CDS2: variants seen among roughly 807,000 people sequenced by gnomAD.
The protein encoded by CDS2 is phosphatidate cytidylyltransferase 2.
CDS2 carries 47 observed loss-of-function variants against 59.0 expected under a neutral mutation model. That is an observed-to-expected ratio of 0.80 (90% CI 0.63 to 1.02). CDS2 has a LOEUF of 1.02. CDS2 is among the 50% of genes least tolerant of loss of function. The probability of loss-of-function intolerance (pLI) is 0.00; values close to 1 mark genes in which losing one functional copy is unlikely to be tolerated. For missense variants in CDS2, 356 were observed against 558.9 expected (o/e 0.64, Z 3.66); for synonymous variants, 207 against 206.4 (o/e 1.00, Z -0.02).
In CDS2 at chr20:5,196,452, A is replaced by G. The variant is rs1384253183; in HGVS notation, c.*6218A>G. The G allele has an allele frequency of 6.6e-6, 1 of 152,226 alleles. No individual in the cohort carries two copies. Among genetic ancestry groups the G allele is most frequent in the Non-Finnish European group, 1.5e-5 (1 of 68,064 alleles). The allele number at this position is 152,226 out of a possible 1,614,324, so 9.4% of individuals were successfully genotyped here. The stretch of plus-strand genomic sequence containing the variant: ...GTCTCCCGGGCATTGGGCAGGGCCT[A>G]GCCTTTTGCAGCCCCCAGAGGACCT... On this transcript the variant is annotated 3_prime_UTR_variant, in exon 13 of 13. Coordinates refer to ENST00000460006, the MANE Select transcript of CDS2 (RefSeq NM_003818.4).
chr20:5,156,587 G>A (rs2090835167), intron 1 of CDS2, among the ~76,000 whole-genome samples: 1 of 152,136 alleles, frequency 6.6e-6, no homozygotes. Context: ...AGATGTCATT[G>A]GAGAGGATTC....
rs764106146 is a variant in CDS2 at position 5,176,740 on chromosome 20, C to T, written c.384C>T (p.Leu128=). 7.4e-6 allele frequency: 12 copies of T among 1,611,842 alleles called. No homozygotes were observed. In the Admixed American group the frequency reaches 2.0e-4, roughly 27 times the overall value. ...HSYDLPWFRT[L]SWYFLLCVNY... ...ATGATCTGCCCTGGTTCAGGACGCTCAGCTGGTAAGCTCTCCGGCCCCACA... is the reference window on the plus strand; with the variant it reads ...ATGATCTGCCCTGGTTCAGGACGCTTAGCTGGTAAGCTCTCCGGCCCCACA... The change falls in exon 4 of 13, where the codon CTC becomes CTT. Residue 128 remains leucine, a synonymous_variant. Transcript: ENST00000460006.
rs550869778 is a variant in CDS2, at chr20:5,193,286, A to G, written c.*3052A>G. 4 of 152,360 alleles carry G rather than the reference A, an allele frequency of 2.6e-5. No homozygotes were observed. In the East Asian group the frequency reaches 5.8e-4, roughly 22 times the overall value. 9.4% of individuals were successfully genotyped at this position (152,360 alleles called of 1,614,324 possible). A position where few individuals can be genotyped will look rare whatever the true frequency, so the allele number is the denominator to read the frequency against. ...ATATTCTGGGCATTTTAGTAGCTAC[A>G]GTATTTTGCATTTAAAATGTAATTA... On this transcript the variant is annotated 3_prime_UTR_variant, in exon 13 of 13. Transcript: ENST00000460006.
intron 1 of CDS2, among the ~76,000 whole-genome samples, chr20:5,170,786 A>G (rs1295923608): frequency 6.6e-6 from 1 of 152,250 alleles, no homozygotes; most frequent in Non-Finnish European, 1.5e-5. Flanking sequence ...GGTTTTTTGA[A>G]AAGATCAACA....
intron 1 of CDS2, among the ~76,000 whole-genome samples, chr20:5,147,298 T>G (rs976293940): frequency 2.1e-4 from 32 of 152,108 alleles, no homozygotes; most frequent in African/African-American, 6.8e-4. Flanking sequence ...TGAGACCAGT[T>G]GTGGTTGCTG....
chr20:5,144,956 C>G (rs190335910), intron 1 of CDS2, among the ~76,000 whole-genome samples: 99 of 152,210 alleles, frequency 6.5e-4, no homozygotes, highest in Middle Eastern at 3.4e-3. Context: ...AGTTTAATGC[C>G]CAGTAGTCTC....
At chr20:5,149,747 G>A (rs1034380638) in intron 1 of CDS2, among the ~76,000 whole-genome samples, 2 of 151,328 alleles carry the variant, frequency 1.3e-5, no homozygotes, top group African/African-American at 2.4e-5. Context: ...ACAGAACGTC[G>A]CTCTTTTGCC....
chr20:5,170,325 C>G (rs533360974), intron 1 of CDS2, among the ~76,000 whole-genome samples: 1 of 152,292 alleles, frequency 6.6e-6, no homozygotes, highest in African/African-American at 2.4e-5. Context: ...GTTCCAGGTC[C>G]CTGCCTGCTT....
At chr20:5,150,471 C>G (rs1046169213) in intron 1 of CDS2, among the ~76,000 whole-genome samples, 6 of 152,214 alleles carry the variant, frequency 3.9e-5, no homozygotes, top group Admixed American at 3.9e-4. Context: ...CCAAAGAGCC[C>G]CTAACACAGG....
intron 1 of CDS2, among the ~76,000 whole-genome samples, chr20:5,165,551 G>GT (rs66787683): frequency 6.6e-6 from 1 of 151,756 alleles, no homozygotes; most frequent in Non-Finnish European, 1.5e-5. Flanking sequence ...GTCTTTTTTT[G>GT]TTTTTTTGTT....
At chr20:5,136,328 C>T (rs767184527) in intron 1 of CDS2, among the ~76,000 whole-genome samples, 12 of 152,180 alleles carry the variant, frequency 7.9e-5, no homozygotes, top group Non-Finnish European at 1.3e-4. Flanking sequence ...CCAGATGACT[C>T]GGTTACTCAG....
chr20:5,176,555 A>G (rs2090996756), intron 3 of CDS2, 93 bp from the exon 4 acceptor site: 4 of 943,954 alleles, frequency 4.2e-6, no homozygotes, highest in South Asian at 1.3e-5. Flanking sequence ...TTTCTTAAGT[A>G]TAATGGGTTT....
intron 1 of CDS2, among the ~76,000 whole-genome samples, chr20:5,145,245 C>CT (rs1555780923): frequency 1.7e-5 from 2 of 115,884 alleles, no homozygotes; most frequent in Non-Finnish European, 3.6e-5. Flanking sequence ...GACCCCCCCC[C>CT]CCGCCCCCGC....
At chr20:5,134,007 T>A (rs1169165782) in intron 1 of CDS2, among the ~76,000 whole-genome samples, 1 of 152,240 alleles carries the variant, frequency 6.6e-6, no homozygotes, top group African/African-American at 2.4e-5. Context: ...ATGTTAAATG[T>A]TAAAAAGGTC....
chr20:5,135,033 A>G (rs943709144), intron 1 of CDS2, among the ~76,000 whole-genome samples: 2 of 152,188 alleles, frequency 1.3e-5, no homozygotes, highest in Non-Finnish European at 2.9e-5. Flanking sequence ...AATCTTGAAT[A>G]TATTTGAGAA....
intron 1 of CDS2, among the ~76,000 whole-genome samples, chr20:5,147,347 C>T (rs2090751762): frequency 6.6e-6 from 1 of 152,088 alleles, no homozygotes; most frequent in Non-Finnish European, 1.5e-5. Context: ...GATTCAATGA[C>T]AGCCAGGCAG....
intron 1 of CDS2, among the ~76,000 whole-genome samples, chr20:5,129,077 C>G (rs2090581010): frequency 6.6e-6 from 1 of 152,128 alleles, no homozygotes; most frequent in Non-Finnish European, 1.5e-5. Context: ...AGCTGTCCAG[C>G]TAGAGGTGCA....
At chr20:5,163,285 G>C (rs762541063) in intron 1 of CDS2, among the ~76,000 whole-genome samples, 3 of 152,202 alleles carry the variant, frequency 2.0e-5, no homozygotes, top group Middle Eastern at 3.4e-3. Flanking sequence ...TTTTGAGACA[G>C]AGTTTTGCTC....
chr20:5,157,405 TGAGA>T (rs1403978270), intron 1 of CDS2, among the ~76,000 whole-genome samples: 1 of 151,998 alleles, frequency 6.6e-6, no homozygotes, highest in Non-Finnish European at 1.5e-5. Context: ...GAAAAAAATC[TGAGA>T]GAAAGGATCA....
Sources: gnomAD v4.1 joint callset for allele counts (sites outside exome capture counted in the v4.1 genomes callset) on GRCh38, gnomAD v4.1.1 for gene constraint, MANE v1.5 for transcripts, NCBI Gene and HGNC (gene_info 2026-07-23, HGNC 2026-07-21) for gene names.